The following PDIA5 variants were observed in gnomAD, a reference collection of about 807,000 sequenced individuals.
PDIA5 encodes protein disulfide isomerase family A member 5, also known as protein disulfide-isomerase A5.
Under a neutral mutation model 77.6 loss-of-function variants are expected in PDIA5, and 58 were observed. The ratio of observed to expected loss-of-function variants is 0.75; its 90% CI spans 0.61 to 0.93. PDIA5 has a LOEUF of 0.93. PDIA5 is among the 40% of genes least tolerant of loss of function. The pLI is 0.00. For missense variants in PDIA5, 630 were observed against 647.7 expected (o/e 0.97, Z 0.30); for synonymous variants, 250 against 252.1 (o/e 0.99, Z 0.08).
At chr3:123,078,577 G>C (rs1033957886) in intron 1 of PDIA5, among the ~76,000 whole-genome samples, 2 of 152,228 alleles carry the variant, frequency 1.3e-5, no homozygotes, top group African/African-American at 2.4e-5. Context: ...CATATATGAA[G>C]TTTATATATG....
At chr3:123,142,249 A>T (rs1362819459) in intron 11 of PDIA5, among the ~76,000 whole-genome samples, 3 of 152,220 alleles carry the variant, frequency 2.0e-5, no homozygotes, top group Non-Finnish European at 4.4e-5. Flanking sequence ...AGGCTCAGGG[A>T]AATACAAATA....
chr3:123,097,579 TTC>T (rs1221902487), intron 3 of PDIA5, among the ~76,000 whole-genome samples: 1 of 152,018 alleles, frequency 6.6e-6, no homozygotes, highest in African/African-American at 2.4e-5. Flanking sequence ...CTTCCAGGAC[TTC>T]TCTCTCATTG....
At chr3:123,122,576 C>A (rs1037488793) in intron 8 of PDIA5, among the ~76,000 whole-genome samples, 1 of 152,206 alleles carries the variant, frequency 6.6e-6, no homozygotes, top group African/African-American at 2.4e-5. Context: ...GGCACAGTGG[C>A]TCCCATCACC....
intron 10 of PDIA5, among the ~76,000 whole-genome samples, chr3:123,129,532 T>C (rs960589746): frequency 1.3e-5 from 2 of 152,216 alleles, no homozygotes; most frequent in African/African-American, 2.4e-5. Flanking sequence ...CTCTCAAAAG[T>C]GCGACACAAT....
chr3:123,117,879 G>A (rs1394324349), intron 8 of PDIA5, among the ~76,000 whole-genome samples: 2 of 152,064 alleles, frequency 1.3e-5, no homozygotes, highest in Non-Finnish European at 2.9e-5. Flanking sequence ...TGTCTTGATG[G>A]CAACATAAAA....
intron 1 of PDIA5, among the ~76,000 whole-genome samples, chr3:123,075,617 G>A (rs1319590872): frequency 6.6e-6 from 1 of 152,080 alleles, no homozygotes; most frequent in African/African-American, 2.4e-5. Flanking sequence ...GAAGGAGGGA[G>A]GAGAATGGGA....
intron 3 of PDIA5, among the ~76,000 whole-genome samples, chr3:123,099,570 G>T (rs1051246486): frequency 3.3e-5 from 5 of 152,184 alleles, no homozygotes; most frequent in African/African-American, 9.7e-5. Flanking sequence ...AGGGCTCGTG[G>T]GGCGCTTGCT....
intron 2 of PDIA5, among the ~76,000 whole-genome samples, chr3:123,090,627 A>T (rs896356963): frequency 1.3e-5 from 2 of 152,132 alleles, no homozygotes; most frequent in East Asian, 3.9e-4. Context: ...CTGATGGAGG[A>T]TGGGAAGAGA....
At chr3:123,099,574 G>A (rs1560512666) in intron 3 of PDIA5, among the ~76,000 whole-genome samples, 1 of 152,216 alleles carries the variant, frequency 6.6e-6, no homozygotes, top group Non-Finnish European at 1.5e-5. Flanking sequence ...CTCGTGGGGC[G>A]CTTGCTCAGG....
intron 11 of PDIA5, among the ~76,000 whole-genome samples, chr3:123,138,971 A>G (rs978660954): frequency 6.6e-6 from 1 of 152,188 alleles, no homozygotes; most frequent in Non-Finnish European, 1.5e-5. Flanking sequence ...TAGTAAAATC[A>G]TAAGTATAAT....
intron 7 of PDIA5, among the ~76,000 whole-genome samples, chr3:123,111,344 G>A (rs1934859712): frequency 6.6e-6 from 1 of 152,220 alleles, no homozygotes; most frequent in Non-Finnish European, 1.5e-5. Context: ...CCTTGTGGCT[G>A]TTCTGCCACC....
chr3:123,151,269 C>G (rs560368984), intron 14 of PDIA5, among the ~76,000 whole-genome samples: 2 of 152,368 alleles, frequency 1.3e-5, no homozygotes, highest in African/African-American at 4.8e-5. Flanking sequence ...CTCCCAGTCC[C>G]TTACAGAGCT....
intron 8 of PDIA5, among the ~76,000 whole-genome samples, chr3:123,118,424 G>T (rs1935041365): frequency 6.6e-6 from 1 of 152,092 alleles, no homozygotes; most frequent in Non-Finnish European, 1.5e-5. Context: ...GCTGTGGAAG[G>T]TAAGCAGCTC....
chr3:123,087,051 C>A (rs1209491938), intron 1 of PDIA5, among the ~76,000 whole-genome samples: 1 of 152,210 alleles, frequency 6.6e-6, no homozygotes, highest in Non-Finnish European at 1.5e-5. Flanking sequence ...AGGGTCTCCC[C>A]TTTGTCAGCA....
chr3:123,077,903 A>G (rs2107907538), intron 1 of PDIA5, among the ~76,000 whole-genome samples: 1 of 150,544 alleles, frequency 6.6e-6, no homozygotes, highest in Admixed American at 6.7e-5. Flanking sequence ...TCTGCCTCCC[A>G]GGTTCAAGTG....
At chr3:123,159,244 G>A (rs1424221172) in intron 15 of PDIA5, among the ~76,000 whole-genome samples, 1 of 152,250 alleles carries the variant, frequency 6.6e-6, no homozygotes, top group Non-Finnish European at 1.5e-5. Context: ...CTGGCTGCAG[G>A]GAAGGAAAGT....
At position 123,133,993 on chromosome 3, in the gene PDIA5, CTTTTCTTTTCCTTTT is replaced by C. The variant is rs1560543159; in HGVS notation, c.910+3378_910+3392del. Among the ~76,000 whole-genome samples, 182 of 148,336 alleles carry C rather than the reference CTTTTCTTTTCCTTTT, an allele frequency of 1.2e-3. 2 individuals are homozygous for C. Among genetic ancestry groups the C allele is most frequent in the South Asian group, 9.1e-3 (42 of 4,618 alleles). On this transcript the variant is annotated intron_variant, in intron 11 of 16. Transcript: ENST00000316218. The stretch of plus-strand genomic sequence containing the variant: ...TTTTCTTTTCTTTTCTTTTCCTTTT[CTTTTCTTTTCCTTTT>C]CTTTTCTTTTCCTTTTCTTTTCTTT...
chr3:123,130,320 C>T (rs960121556), intron 10 of PDIA5, among the ~76,000 whole-genome samples, 160 bp from the exon 11 acceptor site: 3 of 152,218 alleles, frequency 2.0e-5, no homozygotes, highest in African/African-American at 7.2e-5. Context: ...ACTCACCCCA[C>T]GGCACCTCCA....
intron 3 of PDIA5, among the ~76,000 whole-genome samples, chr3:123,093,405 T>G (rs987204155): frequency 6.6e-6 from 1 of 152,184 alleles, no homozygotes; most frequent in Non-Finnish European, 1.5e-5. Context: ...GTGCTTGCCT[T>G]GACCAGCTGT....
Sources: gnomAD v4.1 joint callset for allele counts (sites outside exome capture counted in the v4.1 genomes callset) on GRCh38, gnomAD v4.1.1 for gene constraint, MANE v1.5 for transcripts, NCBI Gene and HGNC (gene_info 2026-07-23, HGNC 2026-07-21) for gene names.